The following ITGAX variants were observed in gnomAD, a reference collection of about 807,000 sequenced individuals.
ITGAX encodes the protein integrin subunit alpha X, also known as integrin alpha-X.
A neutral mutation model predicts 140.2 loss-of-function variants in ITGAX; 99 were observed. The ratio of observed to expected loss-of-function variants is 0.71; its 90% CI spans 0.60 to 0.83. ITGAX has a LOEUF of 0.83. Among genes scored for constraint, ITGAX ranks in the 40% least tolerant of loss-of-function variants. ITGAX has a pLI of 0.00. For missense variants in ITGAX, 1,444 were observed against 1,482.0 expected, an observed-to-expected ratio of 0.97 and a Z score of 0.42; for synonymous variants, 631 against 600.4, an observed-to-expected ratio of 1.05 and a Z score of -0.75.
chr16:31,379,808 C>A lies in ITGAX; in HGVS notation c.2920C>A (p.Pro974Thr). Reference sequence around the variant, plus strand: ...GCCTGTCAGCATCAACTTCTGGGTGCCTGTGGAGCTGAACCAGGAGGCTGT... The same window carrying A: ...GCCTGTCAGCATCAACTTCTGGGTGACTGTGGAGCTGAACCAGGAGGCTGT... ...DLPVSINFWV[P>T]VELNQEAVWM... The change falls in exon 25 of 30, where the codon CCT (proline) becomes ACT (threonine). Residue 974 changes from proline (P) to threonine (T), a missense_variant. Coordinates refer to ENST00000268296, the MANE Select transcript of ITGAX (RefSeq NM_000887.5). 6.2e-7 allele frequency: 1 copy of A among 1,614,168 alleles called. No homozygotes were observed. Among genetic ancestry groups the A allele is most frequent in the South Asian group, 1.1e-5 (1 of 91,076 alleles).
rs370314716 is a variant in ITGAX, at chr16:31,362,060, A to T, written c.1087-15A>T. On this transcript the variant is annotated splice_polypyrimidine_tract_variant and intron_variant, in intron 10 of 29. Transcript: ENST00000268296. ...GCTCCGGCCTCTGCTCAGCCCTGGA[A>T]TCCTTTTCTCCCAGGATGGCCCCGT... 8.1e-6 allele frequency: 13 copies of T among 1,613,920 alleles called. No individual in the cohort carries two copies. In the African/African-American group the frequency reaches 1.2e-4, roughly 15 times the overall value.
At chr16:31,358,828 T>C (rs1567295212) in intron 5 of ITGAX, among the ~76,000 whole-genome samples, 1 of 147,336 alleles carries the variant, frequency 6.8e-6, no homozygotes, top group African/African-American at 2.5e-5. Flanking sequence ...TTTTTTTTTC[T>C]TTTTTTTTAG....
At chr16:31,372,835 C>T (rs1397868113) in intron 19 of ITGAX, among the ~76,000 whole-genome samples, 165 bp downstream of exon 19, 1 of 151,964 alleles carries the variant, frequency 6.6e-6, no homozygotes, top group African/African-American at 2.4e-5. Flanking sequence ...CTTTGGGAGG[C>T]CGAGGTGGGA....
intron 14 of ITGAX, among the ~76,000 whole-genome samples, chr16:31,363,942 A>G (rs535704121): frequency 3.9e-4 from 60 of 152,306 alleles, no homozygotes; most frequent in Non-Finnish European, 7.1e-4. Context: ...ACTTAGGTCC[A>G]GTCATTTCAA....
At position 31,361,199 on chromosome 16, in the gene ITGAX, T is replaced by C; in HGVS notation, c.998T>C (p.Ile333Thr). ...KDIQNQLKEK[I>T]FAIEGTETTS... ...ATTCAAAACCAACTGAAGGAGAAGATCTTTGCCATTGAGGGTGAGTCTGAA... is the reference window on the plus strand; with the variant it reads ...ATTCAAAACCAACTGAAGGAGAAGACCTTTGCCATTGAGGGTGAGTCTGAA... The change falls in exon 9 of 30, where the codon ATC (isoleucine) becomes ACC (threonine). Residue 333 changes from isoleucine (I) to threonine (T), a missense_variant. Coordinates refer to ENST00000268296, the MANE Select transcript of ITGAX (RefSeq NM_000887.5). 6.2e-7 allele frequency: 1 copy of C among 1,611,982 alleles called. No individual in the cohort carries two copies. The highest frequency in any genetic ancestry group is 8.5e-7 in the Non-Finnish European group (1 of 1,178,838).
At chr16:31,360,569 C>A in intron 8 of ITGAX, 106 bp downstream of exon 8, 1 of 1,120,424 alleles carries the variant, frequency 8.9e-7, no homozygotes, top group Non-Finnish European at 1.3e-6. Flanking sequence ...GCTCTATCAC[C>A]CAGGAAGTGG....
rs1471263427 is a variant in ITGAX, at chr16:31,380,297, G to T, written c.3092G>T (p.Arg1031Leu). 1.9e-6 allele frequency: 3 copies of T among 1,614,182 alleles called. No homozygotes were observed. Among genetic ancestry groups the T allele is most frequent in the Non-Finnish European group, 2.5e-6 (3 of 1,180,036 alleles). Residue 1031 changes from arginine to leucine, a missense_variant, in exon 27 of 30, where the codon CGC becomes CTC. Coordinates refer to ENST00000268296, the MANE Select transcript of ITGAX (RefSeq NM_000887.5). ...TCCATTGCTGGCTGCCTGCGGTTCC[G>T]CTGTGACGTCCCCTCCTTCAGCGTC... is the stretch of plus-strand genomic sequence containing the variant. Reference protein sequence around the residue: ...DCSIAGCLRFRCDVPSFSVQE... With the variant: ...DCSIAGCLRFLCDVPSFSVQE...
At position 31,372,171 on chromosome 16, in the gene ITGAX, G is replaced by GGA. The variant is rs560994585; in HGVS notation, c.2161-206_2161-205insAG. On this transcript the variant is annotated intron_variant, in intron 17 of 29. Coordinates refer to ENST00000268296, the MANE Select transcript of ITGAX (RefSeq NM_000887.5). ...CATTGCTGATCGGGAGGTCTGGGGG[G>GGA]GGGGAGGAAAAAAACAAAGACAAAC... Among the ~76,000 whole-genome samples, 441 of 151,744 alleles carry GGA rather than the reference G, an allele frequency of 2.9e-3. 3 individuals are homozygous for GGA. The highest frequency in any genetic ancestry group is 3.4e-3 in the Middle Eastern group (1 of 294).
Position 31,371,179 on chromosome 16 carries a change from G to A in ITGAX, c.1806G>A (p.Leu602=), listed in dbSNP as rs772829711. Residue 602 remains leucine (L), a synonymous_variant, in exon 15 of 30, where the codon CTG becomes CTA. Coordinates refer to ENST00000268296, the MANE Select transcript of ITGAX (RefSeq NM_000887.5). ...TCACCCAGGATGGACTGGTGGACCTGGCTGTGGGGGCCCGGGGCCAGGTGC... is the reference window on the plus strand; with the variant it reads ...TCACCCAGGATGGACTGGTGGACCTAGCTGTGGGGGCCCGGGGCCAGGTGC... The part of the protein sequence containing the change: ...QDLTQDGLVD[L]AVGARGQVLL... 1 of 1,612,190 alleles carries A rather than the reference G, an allele frequency of 6.2e-7. No homozygotes were observed. Among genetic ancestry groups the A allele is most frequent in the Non-Finnish European group, 8.5e-7 (1 of 1,179,126 alleles).
intron 8 of ITGAX, chr16:31,360,825 A>G (rs1231865749): frequency 3.7e-6 from 2 of 535,280 alleles, no homozygotes; most frequent in African/African-American, 1.9e-5. Context: ...ATCCCTTTCA[A>G]GGATAGAAAC....
intron 14 of ITGAX, among the ~76,000 whole-genome samples, chr16:31,364,534 T>C (rs2080872283): frequency 6.6e-6 from 1 of 151,128 alleles, no homozygotes; most frequent in African/African-American, 2.4e-5. Context: ...ATTCTCAATG[T>C]CATTAGTCAT....
chr16:31,360,453 A>G lies in ITGAX; in HGVS notation c.851A>G (p.Tyr284Cys), dbSNP rs774257675. 3 of 1,609,986 alleles carry G rather than the reference A, an allele frequency of 1.9e-6. No individual in the cohort carries two copies. Among genetic ancestry groups the G allele is most frequent in the East Asian group, 2.2e-5 (1 of 44,840 alleles). The change falls in exon 8 of 30, where the codon TAT (tyrosine) becomes TGT (cysteine). Residue 284 changes from tyrosine to cysteine, a missense_variant. Physicochemically the swap from Tyr to Cys is radical, Grantham distance 194. Coordinates refer to ENST00000268296, the MANE Select transcript of ITGAX (RefSeq NM_000887.5). ...PMADAAGIIRYAIGVGLAFQN... is the reference protein window; with the variant it reads ...PMADAAGIIRCAIGVGLAFQN... ...GCTGATGCAGCAGGCATCATCCGCT[A>G]TGCAATTGGGGTAGGGCGTGGGATG...
intron 14 of ITGAX, among the ~76,000 whole-genome samples, chr16:31,365,271 T>C (rs2080881559): frequency 6.6e-6 from 1 of 152,106 alleles, no homozygotes; most frequent in Non-Finnish European, 1.5e-5. Context: ...AGTGGAAATG[T>C]TCTAAAATTG....
intron 29 of ITGAX, 109 bp downstream of exon 29, chr16:31,381,116 T>C (rs2081065643): frequency 2.6e-6 from 2 of 783,060 alleles, no homozygotes; most frequent in Admixed American, 5.0e-5. Flanking sequence ...CTGGGTCACT[T>C]CATATGAGAA....
rs754976444 is a variant in ITGAX, at chr16:31,372,466, G to A, written c.2249G>A (p.Arg750Gln). 6.1e-5 allele frequency: 98 copies of A among 1,606,536 alleles called. No individual in the cohort carries two copies. Among genetic ancestry groups the A allele is most frequent in the South Asian group, 1.0e-4 (9 of 90,416 alleles). The change falls in exon 18 of 30, where the codon CGG (arginine) becomes CAG (glutamine). Residue 750 changes from arginine to glutamine, a missense_variant. Physicochemically the swap from Arg to Gln is conservative, Grantham distance 43. Transcript: ENST00000268296. ...CCCCTCCTTGCCTTCAGAAACCTGC[G>A]GCCTATGCTGGCCGCCGATGCTCAG... ...GKPLLAFRNLRPMLAADAQRY... is the reference protein window; with the variant it reads ...GKPLLAFRNLQPMLAADAQRY...
rs2142489210 is a variant in ITGAX, at chr16:31,361,067, G to C, written c.866G>C (p.Gly289Ala). ...GTTGATCTTTTCTGGGGACAGGTTGGATTAGCTTTTCAAAACAGAAATTCT... is the reference window on the plus strand; with the variant it reads ...GTTGATCTTTTCTGGGGACAGGTTGCATTAGCTTTTCAAAACAGAAATTCT... ...AGIIRYAIGV[G>A]LAFQNRNSWK... The change falls in exon 9 of 30, where the codon GGA becomes GCA. Residue 289 changes from glycine (G) to alanine (A), a missense_variant. Transcript: ENST00000268296. The C allele has an allele frequency of 6.2e-7, 1 of 1,612,800 alleles. No individual in the cohort carries two copies. The highest frequency in any genetic ancestry group is 8.5e-7 in the Non-Finnish European group (1 of 1,179,706).
intron 19 of ITGAX, 44 bp from the exon 20 acceptor site, chr16:31,373,205 T>G (rs1238869631): frequency 7.4e-7 from 1 of 1,351,080 alleles, no homozygotes; most frequent in South Asian, 1.2e-5. Flanking sequence ...ATTTCTAGCC[T>G]CAGTCACAGA....
chr16:31,369,860 A>C (rs1260258088), intron 14 of ITGAX: 1 of 151,936 alleles, frequency 6.6e-6, no homozygotes, highest in African/African-American at 2.4e-5. Flanking sequence ...ATCATAGCTG[A>C]CTGCAGCCTC....
In ITGAX at chr16:31,373,342, CTT is replaced by C; in HGVS notation, c.2461_2462del (p.Phe821LeufsTer28). Reference protein sequence around the residue: ...GEDSYGTTITFSHPAGLSYRY... With the variant: ...GEDSYGTTITXSHPAGLSYRY... Reference sequence around the variant, plus strand: ...AAGACTCCTACGGAACCACCATCACCTTCTCCCACCCCGCAGGACTGTCCTAC... The same window carrying C: ...AAGACTCCTACGGAACCACCATCACCCTCCCACCCCGCAGGACTGTCCTAC... On this transcript the variant is annotated frameshift_variant, in exon 20 of 30. Transcript: ENST00000268296. LOFTEE classifies it high-confidence loss of function. 1 of 1,613,674 alleles carries C rather than the reference CTT, an allele frequency of 6.2e-7. No homozygotes were observed. Among genetic ancestry groups the C allele is most frequent in the Non-Finnish European group, 8.5e-7 (1 of 1,179,992 alleles).
Sources: gnomAD v4.1 joint callset for allele counts (sites outside exome capture counted in the v4.1 genomes callset) on GRCh38, gnomAD v4.1.1 for gene constraint, MANE v1.5 for transcripts, NCBI Gene and HGNC (gene_info 2026-07-23, HGNC 2026-07-21) for gene names.